Variants in RAD51B observed in about 807,000 individuals in gnomAD.
RAD51B encodes the protein RAD51 paralog B, also known as DNA repair protein RAD51 homolog 2.
In RAD51B, 38 loss-of-function variants were observed where a neutral mutation model predicts 42.2. The ratio of observed to expected loss-of-function variants is 0.90; its 90% CI spans 0.70 to 1.18. The LOEUF is 1.18. Ranked by LOEUF, RAD51B falls within the 50% of genes most tolerant of loss-of-function variation. The pLI is 0.00. For synonymous variants in RAD51B, 154 were observed against 145.2 expected (o/e 1.06, Z -0.43); for missense variants, 373 against 400.7 (o/e 0.93, Z 0.59).
At chr14:68,590,785 A>G (rs1238978963) in intron 10 of RAD51B, among the ~76,000 whole-genome samples, 1 of 152,170 alleles carries the variant, frequency 6.6e-6, no homozygotes, top group African/African-American at 2.4e-5. Context: ...TGGCATTTTC[A>G]TAATTCAGCT....
At chr14:68,283,295 G>A (rs1052612943) in intron 7 of RAD51B, among the ~76,000 whole-genome samples, 3 of 152,138 alleles carry the variant, frequency 2.0e-5, no homozygotes, top group African/African-American at 7.2e-5. Flanking sequence ...GGACTCAGTG[G>A]GCAGTGATCA....
chr14:67,869,882 T>A (rs1484404928), intron 5 of RAD51B, among the ~76,000 whole-genome samples: 14 of 151,804 alleles, frequency 9.2e-5, no homozygotes, highest in Non-Finnish European at 1.6e-4. Flanking sequence ...GACAAGCAAA[T>A]GCTGAGAGAT....
intron 7 of RAD51B, among the ~76,000 whole-genome samples, chr14:68,092,461 A>G (rs1391521219): frequency 6.6e-5 from 10 of 152,142 alleles, no homozygotes; most frequent in African/African-American, 9.7e-5. Flanking sequence ...CTTTGAAGCA[A>G]TTGTGAATGG....
At chr14:68,280,620 T>C (rs1370851228) in intron 7 of RAD51B, among the ~76,000 whole-genome samples, 1 of 152,242 alleles carries the variant, frequency 6.6e-6, no homozygotes, top group African/African-American at 2.4e-5. Flanking sequence ...GAGTTTCCTC[T>C]CTTCCTCCTT....
At chr14:68,006,489 T>G (rs1447696922) in intron 7 of RAD51B, among the ~76,000 whole-genome samples, 1 of 152,158 alleles carries the variant, frequency 6.6e-6, no homozygotes, top group Non-Finnish European at 1.5e-5. Context: ...TATTAGTTGC[T>G]ATCGCTTTAA....
intron 4 of RAD51B, among the ~76,000 whole-genome samples, chr14:67,863,115 A>G (rs982543684): frequency 6.6e-6 from 1 of 151,718 alleles, no homozygotes; most frequent in African/African-American, 2.4e-5. Flanking sequence ...ATCATTGTAA[A>G]GATTATAAAC....
intron 7 of RAD51B, among the ~76,000 whole-genome samples, chr14:68,253,178 CAT>C (rs960798826): frequency 2.0e-5 from 3 of 151,752 alleles, no homozygotes; most frequent in African/African-American, 7.3e-5. Flanking sequence ...ATCACTTAGT[CAT>C]AATTGTCTAT....
At position 68,342,278 on chromosome 14, in the gene RAD51B, T is replaced by C. The variant is rs114345304; in HGVS notation, c.853+50298T>C. On this transcript the variant is annotated intron_variant, in intron 8 of 10. Coordinates refer to ENST00000471583, the MANE Select transcript of RAD51B (RefSeq NM_133510.4). ...AATTCTATCCTATCTACTGCTTATA[T>C]TAGGAAAGAAAAAAAATTTACTAGT... Among the ~76,000 whole-genome samples the C allele has an allele frequency of 2.7e-3, 416 of 152,300 alleles. 2 individuals carry two copies. The highest frequency in any genetic ancestry group is 9.6e-3 in the African/African-American group (397 of 41,560).
At chr14:68,266,799 G>A (rs2081000486) in intron 7 of RAD51B, among the ~76,000 whole-genome samples, 1 of 152,176 alleles carries the variant, frequency 6.6e-6, no homozygotes, top group South Asian at 2.1e-4. Context: ...CTATAAAATA[G>A]GGATGATAGT....
chr14:67,851,363 C>T (rs1050993628), intron 4 of RAD51B, among the ~76,000 whole-genome samples: 2 of 151,048 alleles, frequency 1.3e-5, no homozygotes, highest in African/African-American at 4.9e-5. Flanking sequence ...GGCACTTAGG[C>T]GGTGGGAGCC....
intron 9 of RAD51B, among the ~76,000 whole-genome samples, chr14:68,418,091 C>T (rs549819172): frequency 1.3e-5 from 2 of 152,232 alleles, no homozygotes; most frequent in Non-Finnish European, 2.9e-5. Flanking sequence ...GAAAGATTTA[C>T]GCGATTTGAA....
intron 7 of RAD51B, among the ~76,000 whole-genome samples, chr14:68,052,680 G>A (rs1407646652): frequency 6.6e-6 from 1 of 151,126 alleles, no homozygotes; most frequent in Non-Finnish European, 1.5e-5. Flanking sequence ...GAGTGCAATG[G>A]TGCCATCATA....
chr14:68,018,733 T>C (rs1425713871), intron 7 of RAD51B, among the ~76,000 whole-genome samples: 3 of 152,226 alleles, frequency 2.0e-5, no homozygotes, highest in East Asian at 3.8e-4. Context: ...GTCATAAACA[T>C]GTACTGAGTC....
intron 7 of RAD51B, among the ~76,000 whole-genome samples, chr14:68,061,540 C>G (rs189780663): frequency 1.0e-3 from 154 of 152,194 alleles, no homozygotes; most frequent in Non-Finnish European, 1.6e-3. Context: ...GCTGCCTTTT[C>G]ATTTTTTTGT....
intron 7 of RAD51B, among the ~76,000 whole-genome samples, chr14:68,155,576 A>C (rs565756363): frequency 6.6e-6 from 1 of 152,182 alleles, no homozygotes; most frequent in Admixed American, 6.5e-5. Context: ...CTGGGGAACC[A>C]AGTGATTTTT....
chr14:68,129,949 T>G (rs1253557300), intron 7 of RAD51B: 6 of 152,206 alleles, frequency 3.9e-5, no homozygotes, highest in Non-Finnish European at 8.8e-5. Flanking sequence ...ACTTAACAGC[T>G]TAAAACAACA....
At chr14:68,258,220 A>G (rs1318500947) in intron 7 of RAD51B, among the ~76,000 whole-genome samples, 1 of 152,070 alleles carries the variant, frequency 6.6e-6, no homozygotes, top group Non-Finnish European at 1.5e-5. Context: ...TGGGCAATAT[A>G]GTGAGACCCT....
At chr14:68,663,351 C>T (rs536046266) in intron 11 of RAD51B, among the ~76,000 whole-genome samples, 2 of 151,690 alleles carry the variant, frequency 1.3e-5, no homozygotes, top group South Asian at 2.1e-4. Context: ...GGGACAAGGT[C>T]AAGATATTTA....
At chr14:68,595,023 A>G in exon 11 of RAD51B, 2 of 1,073,386 alleles carry the variant, frequency 1.9e-6, no homozygotes, top group Middle Eastern at 4.1e-4. Context: ...CCAGTAGCCT[A>G]GATTTTGCCC....
Sources: gnomAD v4.1 joint callset for allele counts (sites outside exome capture counted in the v4.1 genomes callset) on GRCh38, gnomAD v4.1.1 for gene constraint, MANE v1.5 for transcripts, NCBI Gene and HGNC (gene_info 2026-07-23, HGNC 2026-07-21) for gene names.